ZSCAN25: variants seen among roughly 807,000 people sequenced by gnomAD.
ZSCAN25 encodes zinc finger and SCAN domain containing 25.
Under a neutral mutation model 38.7 loss-of-function variants are expected in ZSCAN25, and 27 were observed. The observed-to-expected ratio is 0.70, with a 90% CI of 0.51 to 0.96. ZSCAN25 has a LOEUF of 0.96. ZSCAN25 is among the 40% of genes least tolerant of loss of function. The pLI is 0.00. For synonymous variants in ZSCAN25, 273 were observed against 277.7 expected (o/e 0.98, Z 0.17); for missense variants, 637 against 705.9 (o/e 0.90, Z 1.11).
the ZSCAN25 span, among the ~76,000 whole-genome samples, chr7:99,716,309 T>C: frequency 1.6e-4 from 25 of 152,302 alleles, no homozygotes; most frequent in Admixed American, 4.6e-4. Flanking sequence ...TGACATTGCC[T>C]GACTACAGAC....
At chr7:99,705,296 G>T in the ZSCAN25 span, 2 of 549,790 alleles carry the variant, frequency 3.6e-6, no homozygotes, top group Non-Finnish European at 6.3e-6. Context: ...GCACTGATTT[G>T]GTCATCTCCT....
chr7:99,683,936 G>A, the ZSCAN25 span, among the ~76,000 whole-genome samples: 8 of 152,288 alleles, frequency 5.3e-5, no homozygotes, highest in South Asian at 1.4e-3. Context: ...GACAAGGAAT[G>A]AGTGTGTTTA....
Position 99,629,254 on chromosome 7 carries a change from C to T in ZSCAN25, c.869C>T (p.Ala290Val). 6.2e-7 allele frequency: 1 copy of T among 1,614,076 alleles called. No individual in the cohort carries two copies. Among genetic ancestry groups the T allele is most frequent in the Non-Finnish European group, 8.5e-7 (1 of 1,179,958 alleles). Residue 290 changes from alanine to valine, a missense_variant, in exon 8 of 8, where the codon GCA becomes GTA. Ala to Val is a moderately conservative substitution (Grantham distance 64). Coordinates refer to ENST00000394152, the MANE Select transcript of ZSCAN25 (RefSeq NM_145115.3). The surrounding 1 kb of genome is among the most constrained non-coding windows in gnomAD (Gnocchi z 5.6). ...GAAGACCTGAAAGGGGCGCTGGTGG[C>T]ACTGACATCAGAGAGGTTTGGGGAA... is the stretch of plus-strand genomic sequence containing the variant. ...PQEDLKGALV[A>V]LTSERFGEAS...
At chr7:99,640,447 C>A in the ZSCAN25 span, among the ~76,000 whole-genome samples, 2 of 152,300 alleles carry the variant, frequency 1.3e-5, no homozygotes, top group African/African-American at 4.8e-5. Flanking sequence ...CGTGAGCCAC[C>A]GCACCTGGCC....
In ZSCAN25 at chr7:99,629,089, AAGAGAAGG is replaced by A; in HGVS notation, c.806-100_806-93del. ...GTTGAGGTTGTTGGTCAAAGGAAAAAAGAGAAGGAACCATGAATGGGACCCCTGTGAAG... is the reference window on the plus strand; with the variant it reads ...GTTGAGGTTGTTGGTCAAAGGAAAAAAACCATGAATGGGACCCCTGTGAAG... On this transcript the variant is annotated intron_variant, in intron 7 of 7. Transcript: ENST00000394152. This position sits in a 1 kb window ranked among gnomAD's most constrained non-coding sequence, Gnocchi z 5.6. 1.1e-5 allele frequency: 16 copies of A among 1,474,048 alleles called. No homozygotes were observed. Among genetic ancestry groups the A allele is most frequent in the Admixed American group, 9.7e-5 (4 of 41,238 alleles). The allele number at this position is 1,474,048 out of a possible 1,614,324, so 91.3% of individuals were successfully genotyped here.
the ZSCAN25 span, among the ~76,000 whole-genome samples, chr7:99,641,211 G>T: frequency 6.6e-6 from 1 of 152,170 alleles, no homozygotes; most frequent in African/African-American, 2.4e-5. Flanking sequence ...CTCAGGGATA[G>T]GGAGGCCTCA....
the ZSCAN25 span, among the ~76,000 whole-genome samples, chr7:99,693,446 C>T: frequency 6.6e-6 from 1 of 152,176 alleles, no homozygotes; most frequent in East Asian, 1.9e-4. Flanking sequence ...CAGACAGGGA[C>T]GTTTAAGTCT....
the ZSCAN25 span, among the ~76,000 whole-genome samples, chr7:99,737,518 T>G: frequency 6.7e-6 from 1 of 149,912 alleles, no homozygotes; most frequent in Non-Finnish European, 1.5e-5. Flanking sequence ...CACCGAGAGG[T>G]GCACAGAACA....
chr7:99,656,714 A>C, the ZSCAN25 span, among the ~76,000 whole-genome samples: 1 of 152,062 alleles, frequency 6.6e-6, no homozygotes, highest in Admixed American at 6.5e-5. Context: ...CTGGTCCTGG[A>C]CTTTTTTTGG....
At position 99,619,781 on chromosome 7, in the gene ZSCAN25, G is replaced by T. The variant is rs1476583053; in HGVS notation, c.175G>T (p.Ala59Ser). Residue 59 changes from alanine (A) to serine (S), a missense_variant, in exon 4 of 8, where the codon GCT (alanine) becomes TCT (serine). Physicochemically the swap from Ala to Ser is moderately conservative, Grantham distance 99. Transcript: ENST00000394152. Reference sequence around the variant, plus strand: ...CCAGGAGGCAGCTGGACCCCAGGAAGCTCTTAGGGAGCTCCAGGAGCTCTG... The same window carrying T: ...CCAGGAGGCAGCTGGACCCCAGGAATCTCTTAGGGAGCTCCAGGAGCTCTG... Reference protein sequence around the residue: ...RYQEAAGPQEALRELQELCRR... With the variant: ...RYQEAAGPQESLRELQELCRR... The T allele has an allele frequency of 6.2e-7, 1 of 1,614,148 alleles. No homozygotes were observed. The highest frequency in any genetic ancestry group is 1.1e-5 in the South Asian group (1 of 91,092).
At chr7:99,677,726 C>T in the ZSCAN25 span, among the ~76,000 whole-genome samples, 1 of 152,216 alleles carries the variant, frequency 6.6e-6, no homozygotes, top group Admixed American at 6.5e-5. Flanking sequence ...GCGTGCACCA[C>T]CTGCCAAAGC....
At chr7:99,711,032 T>C in the ZSCAN25 span, 1 of 1,411,284 alleles carries the variant, frequency 7.1e-7, no homozygotes, top group Non-Finnish European at 9.6e-7. Flanking sequence ...CTGGGGGTGG[T>C]TTCACTCTGA....
chr7:99,700,156 AAT>A, the ZSCAN25 span: 2 of 683,282 alleles, frequency 2.9e-6, no homozygotes, highest in Non-Finnish European at 5.3e-6. Context: ...AAGCTGCTGA[AAT>A]GTTTATGTGC....
the ZSCAN25 span, among the ~76,000 whole-genome samples, chr7:99,639,086 T>G: frequency 6.6e-6 from 1 of 152,242 alleles, no homozygotes; most frequent in East Asian, 1.9e-4. Flanking sequence ...ACCTACCAGA[T>G]GCCAGTAGCA....
chr7:99,709,484 G>A, the ZSCAN25 span, among the ~76,000 whole-genome samples: 2 of 152,168 alleles, frequency 1.3e-5, no homozygotes, highest in African/African-American at 4.8e-5. Flanking sequence ...CATTCGGGAA[G>A]GCTCTAACCC....
At chr7:99,728,183 C>T in the ZSCAN25 span, among the ~76,000 whole-genome samples, 1 of 152,190 alleles carries the variant, frequency 6.6e-6, no homozygotes, top group East Asian at 1.9e-4. Context: ...TATCTCCTTC[C>T]AGTCTCACAG....
the ZSCAN25 span, among the ~76,000 whole-genome samples, chr7:99,669,756 G>T: frequency 6.6e-6 from 1 of 152,134 alleles, no homozygotes; most frequent in African/African-American, 2.4e-5. Context: ...GCTATTAAAA[G>T]ACACAACTAA....
At chr7:99,652,514 C>T in the ZSCAN25 span, 12 of 1,450,698 alleles carry the variant, frequency 8.3e-6, no homozygotes, top group Non-Finnish European at 1.1e-5. Context: ...TTGAACCAGC[C>T]TGGGTCAGGG....
At chr7:99,697,288 A>C in the ZSCAN25 span, among the ~76,000 whole-genome samples, 1 of 152,076 alleles carries the variant, frequency 6.6e-6, no homozygotes, top group African/African-American at 2.4e-5. Flanking sequence ...GACTCCCCCA[A>C]CTGAGGGTTC....
Sources: allele counts gnomAD v4.1 joint callset (sites outside exome capture counted in the v4.1 genomes callset), GRCh38; gene constraint gnomAD v4.1.1; non-coding constraint Gnocchi (gnomAD v3.1); transcripts MANE v1.5; gene names NCBI Gene and HGNC (gene_info 2026-07-23, HGNC 2026-07-21).